Variants in ARHGEF3 observed in about 807,000 individuals in gnomAD.
The protein encoded by ARHGEF3 is 59.8 kDA protein.
A neutral mutation model predicts 63.2 loss-of-function variants in ARHGEF3; 28 were observed. That is an observed-to-expected ratio of 0.44 (90% CI 0.33 to 0.61). ARHGEF3 has a LOEUF of 0.61. Ranked by LOEUF, ARHGEF3 falls within the 20% of genes least tolerant of loss-of-function variation. The pLI, the probability that ARHGEF3 is intolerant of heterozygous loss-of-function variation, is 0.03. For missense variants in ARHGEF3, 533 were observed against 659.3 expected (o/e 0.81, Z 2.10); for synonymous variants, 266 against 254.2 (o/e 1.05, Z -0.44).
Position 57,006,802 on chromosome 3 carries a change from C to T in ARHGEF3, c.62+28286G>A, listed in dbSNP as rs539414044. Among the ~76,000 whole-genome samples, 8 of 152,322 alleles carry T rather than the reference C, an allele frequency of 5.3e-5. No homozygotes were observed. In the South Asian group the frequency reaches 1.0e-3, roughly 20 times the overall value. On this transcript the variant is annotated intron_variant, in intron 2 of 12. Transcript: ENST00000338458. ...CCTGGAAATCCATCTCCATCAGAAC[C>T]AATGAACCAGCATCTCCCTTGGGCC...
chr3:56,886,824 C>T (rs1485516777), intron 3 of ARHGEF3, among the ~76,000 whole-genome samples: 1 of 152,086 alleles, frequency 6.6e-6, no homozygotes, highest in African/African-American at 2.4e-5. Flanking sequence ...CAAAAAGGGG[C>T]AGGAATTTGT....
chr3:56,784,481 C>T (rs192373816), intron 1 of ARHGEF3, among the ~76,000 whole-genome samples: 4 of 152,320 alleles, frequency 2.6e-5, no homozygotes, highest in East Asian at 1.9e-4. Flanking sequence ...GTCACAGCCA[C>T]GGGGTCCAGA....
chr3:56,805,042 G>C (rs1278820428), upstream of ARHGEF3, among the ~76,000 whole-genome samples: 1 of 152,080 alleles, frequency 6.6e-6, no homozygotes, highest in African/African-American at 2.4e-5. Flanking sequence ...CACTGGCTTT[G>C]ACTCCCAGAA....
chr3:56,857,935 C>T (rs2039940860), intron 4 of ARHGEF3, among the ~76,000 whole-genome samples: 1 of 152,140 alleles, frequency 6.6e-6, no homozygotes, highest in African/African-American at 2.4e-5. Flanking sequence ...CACCATTTTT[C>T]TGACCTACAA....
rs1357962617 is a variant in ARHGEF3, at chr3:56,728,737, G to GA, written c.*532_*533insT. ...TTAAGCCTTCAGAATCCCCAGGGATGTTTTCAAGCTTTCTAGTTGAGTAAG... is the reference window on the plus strand; with the variant it reads ...TTAAGCCTTCAGAATCCCCAGGGATGATTTTCAAGCTTTCTAGTTGAGTAAG... On this transcript the variant is annotated 3_prime_UTR_variant, in exon 10 of 10. Transcript: ENST00000296315. 6.5e-6 allele frequency: 1 copy of GA among 153,252 alleles called. No individual in the cohort carries two copies. Among genetic ancestry groups the GA allele is most frequent in the Non-Finnish European group, 1.5e-5 (1 of 68,772 alleles). 9.5% of individuals were successfully genotyped at this position (153,252 alleles called of 1,614,324 possible). A position where few individuals can be genotyped will look rare whatever the true frequency, so the allele number is the denominator to read the frequency against.
chr3:56,762,108 C>T (rs1351806354), intron 2 of ARHGEF3, among the ~76,000 whole-genome samples: 1 of 152,144 alleles, frequency 6.6e-6, no homozygotes, highest in Non-Finnish European at 1.5e-5. Flanking sequence ...GTTATGACAA[C>T]CAAAACACCT....
At chr3:57,011,453 A>T (rs1195228185) in intron 2 of ARHGEF3, among the ~76,000 whole-genome samples, 1 of 152,084 alleles carries the variant, frequency 6.6e-6, no homozygotes, top group African/African-American at 2.4e-5. Context: ...ATGTCTGGAG[A>T]TATTTTCTTT....
chr3:57,075,615 G>C (rs533222772), intron 1 of ARHGEF3, among the ~76,000 whole-genome samples: 2 of 152,054 alleles, frequency 1.3e-5, no homozygotes, highest in South Asian at 4.2e-4. Flanking sequence ...TTCAAGACCA[G>C]CCTGGGCAAC....
chr3:56,901,368 GTATGTATATGTATATGTA>G (rs56397347), intron 3 of ARHGEF3, among the ~76,000 whole-genome samples: 6,773 of 147,930 alleles, frequency 0.046, 531 homozygotes, highest in African/African-American at 0.16. Context: ...GAGTGGCAAA[GTATGTATATGTATATGTA>G]TATGTATATG....
intron 2 of ARHGEF3, among the ~76,000 whole-genome samples, chr3:57,007,757 C>T (rs1019859854): frequency 6.6e-6 from 1 of 152,310 alleles, no homozygotes; most frequent in Non-Finnish European, 1.5e-5. Context: ...AGGGCTCACG[C>T]TGCAATAGCT....
At chr3:56,862,748 T>G (rs1293190186) in intron 4 of ARHGEF3, among the ~76,000 whole-genome samples, 2 of 152,232 alleles carry the variant, frequency 1.3e-5, no homozygotes, top group African/African-American at 4.8e-5. Context: ...TGGTTGCAGC[T>G]GAGCATGCCT....
At chr3:57,040,517 A>G (rs1704144406) in intron 1 of ARHGEF3, among the ~76,000 whole-genome samples, 1 of 148,692 alleles carries the variant, frequency 6.7e-6, no homozygotes, top group Non-Finnish European at 1.5e-5. Context: ...CAAAACAGGT[A>G]AAACCATCCC....
chr3:56,739,981 C>T lies in ARHGEF3; in HGVS notation c.871-2626G>A, dbSNP rs551382487. Among the ~76,000 whole-genome samples, 5 of 151,414 alleles carry T rather than the reference C, an allele frequency of 3.3e-5. No individual in the cohort carries two copies. The South Asian group carries it at 8.3e-4, about 25-fold the overall frequency. On this transcript the variant is annotated intron_variant, in intron 7 of 9. Transcript: ENST00000296315. ...ATGGCACGATCTTGGCTCACTGCAACCTCCGCCTCCTGGATTCAAGCGATT... is the reference window on the plus strand; with the variant it reads ...ATGGCACGATCTTGGCTCACTGCAATCTCCGCCTCCTGGATTCAAGCGATT...
At chr3:57,046,326 G>A (rs994503514) in intron 1 of ARHGEF3, among the ~76,000 whole-genome samples, 2 of 152,214 alleles carry the variant, frequency 1.3e-5, no homozygotes, top group African/African-American at 4.8e-5. Context: ...AGCTGGGTCT[G>A]TCTGACTCCC....
chr3:57,000,890 T>C (rs946407252), intron 2 of ARHGEF3, among the ~76,000 whole-genome samples: 1 of 152,234 alleles, frequency 6.6e-6, no homozygotes, highest in African/African-American at 2.4e-5. Context: ...GTAAACTTTA[T>C]GTAAATGGAA....
chr3:56,854,941 C>T (rs1438038362), intron 4 of ARHGEF3, among the ~76,000 whole-genome samples: 1 of 152,114 alleles, frequency 6.6e-6, no homozygotes, highest in African/African-American at 2.4e-5. Context: ...GAAATGTGAG[C>T]AGTAAACAGG....
intron 2 of ARHGEF3, among the ~76,000 whole-genome samples, chr3:56,962,423 C>T (rs990577111): frequency 2.0e-5 from 3 of 152,220 alleles, no homozygotes; most frequent in South Asian, 2.1e-4. Context: ...GCTTGGAGGG[C>T]GTGTCTATCG....
chr3:56,955,754 G>T (rs1700017305), intron 3 of ARHGEF3, among the ~76,000 whole-genome samples: 1 of 152,190 alleles, frequency 6.6e-6, no homozygotes, highest in Non-Finnish European at 1.5e-5. Context: ...TGCCTCACAT[G>T]TCTTCATCCT....
At chr3:56,800,634 G>C (rs1427379707) in intron 1 of ARHGEF3, among the ~76,000 whole-genome samples, 1 of 152,216 alleles carries the variant, frequency 6.6e-6, no homozygotes, top group Non-Finnish European at 1.5e-5. Flanking sequence ...CAGCTGAGCA[G>C]ACCCAAGGAA....
Sources: gnomAD v4.1 joint callset for allele counts (sites outside exome capture counted in the v4.1 genomes callset) on GRCh38, gnomAD v4.1.1 for gene constraint, MANE v1.5 for transcripts, NCBI Gene and HGNC (gene_info 2026-07-23, HGNC 2026-07-21) for gene names.